Variants in GRIA2 observed in about 807,000 individuals in gnomAD.
GRIA2 encodes glutamate receptor 2.
Under a neutral mutation model 97.3 loss-of-function variants are expected in GRIA2, and 14 were observed. The observed-to-expected ratio is 0.14, with a 90% CI of 0.10 to 0.23. The LOEUF (loss-of-function observed/expected upper bound fraction) is 0.23. GRIA2 is among the 10% of genes least tolerant of loss of function. The probability of loss-of-function intolerance (pLI) is 1.00; values close to 1 mark genes in which losing one functional copy is unlikely to be tolerated. For synonymous variants in GRIA2, 412 were observed against 387.8 expected, an observed-to-expected ratio of 1.06 and a Z score of -0.73; for missense variants, 558 against 1,069.8, an observed-to-expected ratio of 0.52 and a Z score of 6.67.
chr4:157,244,756 C>G (rs1049731991), intron 2 of GRIA2, among the ~76,000 whole-genome samples: 1 of 151,904 alleles, frequency 6.6e-6, no homozygotes, highest in Non-Finnish European at 1.5e-5. Flanking sequence ...GACTTCCTAC[C>G]TCTTCATTGT....
intron 2 of GRIA2, among the ~76,000 whole-genome samples, chr4:157,239,987 G>C (rs1730432164): frequency 6.6e-6 from 1 of 151,694 alleles, no homozygotes; most frequent in Admixed American, 6.6e-5. Flanking sequence ...GGCTTCTCTT[G>C]ATCCTCCTGA....
chr4:157,261,779 G>T (rs1731548373), intron 2 of GRIA2, among the ~76,000 whole-genome samples: 2 of 151,606 alleles, frequency 1.3e-5, no homozygotes, highest in African/African-American at 2.4e-5. Context: ...TATTTTTTTT[G>T]AAAATATGTG....
chr4:157,273,082 A>T (rs2126793307), intron 2 of GRIA2, among the ~76,000 whole-genome samples: 1 of 152,214 alleles, frequency 6.6e-6, no homozygotes, highest in Admixed American at 6.6e-5. Flanking sequence ...AAAATGATAC[A>T]AATAAAAATA....
chr4:157,231,295 T>C (rs1282350703), intron 2 of GRIA2, among the ~76,000 whole-genome samples: 1 of 152,176 alleles, frequency 6.6e-6, no homozygotes, highest in Non-Finnish European at 1.5e-5. Flanking sequence ...CACCTCGGCC[T>C]CCCAAAGTGC....
chr4:157,355,659 T>C (rs1450597518), intron 12 of GRIA2, among the ~76,000 whole-genome samples: 1 of 103,012 alleles, frequency 9.7e-6, no homozygotes, highest in East Asian at 2.6e-4. Flanking sequence ...TATATTTATT[T>C]ATATTTATTT....
At chr4:157,220,196 T>C (rs1002899388), upstream of GRIA2, 2 of 152,076 alleles carry the variant, frequency 1.3e-5, no homozygotes, top group Non-Finnish European at 2.9e-5. Context: ...TCACAGGAGA[T>C]GGAAGATAAA....
At chr4:157,290,678 A>G (rs956016026) in intron 2 of GRIA2, among the ~76,000 whole-genome samples, 3 of 151,874 alleles carry the variant, frequency 2.0e-5, no homozygotes, top group African/African-American at 2.4e-5. Flanking sequence ...TTGAAGTATG[A>G]CATATGCCTT....
chr4:157,228,972 T>C (rs1729881298), intron 2 of GRIA2, among the ~76,000 whole-genome samples: 3 of 151,864 alleles, frequency 2.0e-5, no homozygotes, highest in Admixed American at 1.3e-4. Context: ...CAAAAATGTG[T>C]CCTTGAATGG....
At chr4:157,314,906 G>C (rs1429402380) in intron 4 of GRIA2, among the ~76,000 whole-genome samples, 1 of 152,182 alleles carries the variant, frequency 6.6e-6, no homozygotes, top group Non-Finnish European at 1.5e-5. Context: ...AAGAAAGAGT[G>C]ATGTCTGCAT....
chr4:157,312,654 T>C (rs768133625), intron 3 of GRIA2, 25 bp from the exon 4 acceptor site: 2 of 1,366,256 alleles, frequency 1.5e-6, no homozygotes, highest in South Asian at 2.7e-5. Flanking sequence ...TCTTTATCAG[T>C]CATCATTTTT....
intron 2 of GRIA2, among the ~76,000 whole-genome samples, chr4:157,290,501 C>CTT (rs148535009): frequency 7.1e-5 from 10 of 140,916 alleles, no homozygotes; most frequent in African/African-American, 2.1e-4. Context: ...TACATCACTG[C>CTT]TTTTTTTTTT....
chr4:157,223,766 A>G (rs1729617456), intron 2 of GRIA2, among the ~76,000 whole-genome samples: 1 of 152,230 alleles, frequency 6.6e-6, no homozygotes, highest in Admixed American at 6.5e-5. Flanking sequence ...AAAACAGTCA[A>G]TGATTGCCAA....
chr4:157,356,745 T>A (rs1736398005), intron 12 of GRIA2, among the ~76,000 whole-genome samples: 1 of 152,102 alleles, frequency 6.6e-6, no homozygotes, highest in Non-Finnish European at 1.5e-5. Context: ...GGTATTACAT[T>A]ATTTTTTAGT....
chr4:157,224,414 C>T (rs1729651188), intron 2 of GRIA2, among the ~76,000 whole-genome samples: 1 of 152,106 alleles, frequency 6.6e-6, no homozygotes, highest in South Asian at 2.1e-4. Flanking sequence ...ATTTCTGGGG[C>T]TGACATTAAC....
In GRIA2 at chr4:157,312,742, T is replaced by G. The variant is rs1372598584; in HGVS notation, c.533T>G (p.Ile178Ser). Residue 178 changes from isoleucine to serine, a missense_variant, in exon 4 of 16, where the codon ATC becomes AGC. Physicochemically the swap from Ile to Ser is moderately radical, Grantham distance 142 (BLOSUM62 -2). Around this residue, in one of 8 missense-constraint regions of GRIA2, gnomAD observed 173 missense variants for 209.1 expected, o/e 0.83. Coordinates refer to ENST00000264426, the MANE Select transcript of GRIA2 (RefSeq NM_001083619.3). ...AAEKKWQVTAINVGNINNDKK... is the reference protein window; with the variant it reads ...AAEKKWQVTASNVGNINNDKK... ...GAAAAGAAATGGCAAGTGACTGCTATCAATGTGGGAAACATTAACAATGAC... is the reference window on the plus strand; with the variant it reads ...GAAAAGAAATGGCAAGTGACTGCTAGCAATGTGGGAAACATTAACAATGAC... 1 of 1,610,044 alleles carries G rather than the reference T, an allele frequency of 6.2e-7. No homozygotes were observed. Among genetic ancestry groups the G allele is most frequent in the Admixed American group, 1.7e-5 (1 of 59,866 alleles).
In GRIA2 at chr4:157,336,571, G is replaced by T. The variant is rs1454032162; in HGVS notation, c.1668G>T (p.Gly556=). Residue 556 remains glycine (G), a synonymous_variant, in exon 11 of 16, where the codon GGG becomes GGT. Transcript: ENST00000264426. ...TGTGCATTGTTTTTGCCTACATTGG[G>T]GTCAGTGTAGTTTTATTCCTGGTCA... ...IWMCIVFAYI[G]VSVVLFLVSR... is the part of the protein sequence containing the mutation. 6.2e-7 allele frequency: 1 copy of T among 1,612,936 alleles called. No individual in the cohort carries two copies. Among genetic ancestry groups the T allele is most frequent in the East Asian group, 2.2e-5 (1 of 44,834 alleles).
chr4:157,237,020 T>C (rs1730282159), intron 2 of GRIA2, among the ~76,000 whole-genome samples: 2 of 152,190 alleles, frequency 1.3e-5, no homozygotes, highest in South Asian at 4.1e-4. Flanking sequence ...TTTAGTAAAA[T>C]TTAGAAATTG....
intron 2 of GRIA2, among the ~76,000 whole-genome samples, chr4:157,242,724 TACA>T (rs778882365): frequency 3.3e-5 from 5 of 152,110 alleles, no homozygotes; most frequent in Non-Finnish European, 5.9e-5. Context: ...AGCCTCTCAT[TACA>T]ACATTTTCAT....
At chr4:157,300,233 T>C (rs1281996657) in intron 2 of GRIA2, among the ~76,000 whole-genome samples, 1 of 152,172 alleles carries the variant, frequency 6.6e-6, no homozygotes, top group African/African-American at 2.4e-5. Flanking sequence ...AATTCCAAAG[T>C]ACTGCAGCTA....
Sources: allele counts gnomAD v4.1 joint callset (sites outside exome capture counted in the v4.1 genomes callset), GRCh38; gene constraint gnomAD v4.1.1; regional missense constraint gnomAD v4.1.1; transcripts MANE v1.5; gene names NCBI Gene and HGNC (gene_info 2026-07-23, HGNC 2026-07-21).